The following CTDSPL2 variants were observed in gnomAD, a reference collection of about 807,000 sequenced individuals.
CTDSPL2 encodes CTD small phosphatase like 2.
A neutral mutation model predicts 60.0 loss-of-function variants in CTDSPL2; 5 were observed. The ratio of observed to expected loss-of-function variants is 0.08; its 90% CI spans 0.04 to 0.18. The LOEUF (loss-of-function observed/expected upper bound fraction) is 0.18, where lower values mean the gene tolerates loss of function less well. Ranked by LOEUF, CTDSPL2 falls within the 10% of genes least tolerant of loss-of-function variation. The pLI, the probability that CTDSPL2 is intolerant of heterozygous loss-of-function variation, is 1.00. For missense variants in CTDSPL2, 370 were observed against 548.8 expected (o/e 0.67, Z 3.26); for synonymous variants, 186 against 189.3 (o/e 0.98, Z 0.14).
At chr15:44,478,452 C>T (rs1595739925) in intron 2 of CTDSPL2, among the ~76,000 whole-genome samples, 1 of 37,994 alleles carries the variant, frequency 2.6e-5, no homozygotes. Context: ...GACTCTGTCT[C>T]AAAAAAAAAA....
At chr15:44,470,538 C>T (rs1398530801) in intron 2 of CTDSPL2, 2 of 152,058 alleles carry the variant, frequency 1.3e-5, no homozygotes, top group Non-Finnish European at 2.9e-5. Flanking sequence ...ACCTCCACCT[C>T]CTGGATTCGA....
chr15:44,523,725 T>C (rs7170248), intron 12 of CTDSPL2, among the ~76,000 whole-genome samples: 15,134 of 152,150 alleles, frequency 0.099, 1,546 homozygotes, highest in African/African-American at 0.24. Context: ...TGGTGAAACC[T>C]TGCCTCTACA....
chr15:44,455,732 T>A (rs1595713821), intron 1 of CTDSPL2, among the ~76,000 whole-genome samples: 2 of 152,312 alleles, frequency 1.3e-5, no homozygotes, highest in South Asian at 4.1e-4. Flanking sequence ...TTTATTGATT[T>A]GCGTATGTTG....
At position 44,526,569 on chromosome 15, in the gene CTDSPL2, T is replaced by A. The variant is rs543560447; in HGVS notation, c.*2395T>A. 2 of 152,286 alleles carry A rather than the reference T, an allele frequency of 1.3e-5. No homozygotes were observed. Among genetic ancestry groups the A allele is most frequent in the East Asian group, 3.9e-4 (2 of 5,192 alleles). 9.4% of individuals were successfully genotyped at this position (152,286 alleles called of 1,614,324 possible). The stretch of plus-strand genomic sequence containing the variant: ...TTGAGAAAATTCCTTGAGGCCAAAT[T>A]AATATATTTTTCTTTGTTATTTTAT... On this transcript the variant is annotated 3_prime_UTR_variant, in exon 13 of 13. Transcript: ENST00000260327.
At chr15:44,458,778 GTTGGGAAGGTTAC>G (rs2080500941) in intron 1 of CTDSPL2, among the ~76,000 whole-genome samples, 200 bp from the exon 2 acceptor site, 1 of 152,140 alleles carries the variant, frequency 6.6e-6, no homozygotes, top group African/African-American at 2.4e-5. Context: ...TTCAGAGGTT[GTTGGGAAGGTTAC>G]TTGGGATAAT....
At chr15:44,446,486 C>T (rs1044644809) in intron 1 of CTDSPL2, among the ~76,000 whole-genome samples, 1 of 151,504 alleles carries the variant, frequency 6.6e-6, no homozygotes, top group African/African-American at 2.4e-5. Context: ...AACAAGTAGC[C>T]GGGTGTGGTG....
Position 44,527,169 on chromosome 15 carries a change from G to A in CTDSPL2, c.*2995G>A, listed in dbSNP as rs1292306704. On this transcript the variant is annotated 3_prime_UTR_variant, in exon 13 of 13. Coordinates refer to ENST00000260327, the MANE Select transcript of CTDSPL2 (RefSeq NM_016396.3). ...TTTATCTGTTTCCCAAAATTTGTTT[G>A]GGATTTGTTGAAAGCATTGTGTAAC... The A allele has an allele frequency of 6.6e-6, 1 of 152,394 alleles. No homozygotes were observed. The highest frequency in any genetic ancestry group is 1.5e-5 in the Non-Finnish European group (1 of 67,970). 9.4% of individuals were successfully genotyped at this position (152,394 alleles called of 1,614,324 possible). A position where few individuals can be genotyped will look rare whatever the true frequency, so the allele number is the denominator to read the frequency against.
At chr15:44,429,201 A>G (rs561689111) in intron 1 of CTDSPL2, among the ~76,000 whole-genome samples, 1 of 152,348 alleles carries the variant, frequency 6.6e-6, no homozygotes, top group Non-Finnish European at 1.5e-5. Context: ...CCAAGGTCAT[A>G]AAGAAAGTCA....
chr15:44,449,344 T>C (rs539469044), intron 1 of CTDSPL2: 2 of 160,484 alleles, frequency 1.2e-5, no homozygotes, highest in African/African-American at 2.4e-5. Flanking sequence ...CCCCTGACTT[T>C]CCTTCAGTGC....
intron 1 of CTDSPL2, among the ~76,000 whole-genome samples, chr15:44,437,587 T>C (rs908217956): frequency 6.6e-6 from 1 of 152,180 alleles, no homozygotes; most frequent in Non-Finnish European, 1.5e-5. Context: ...TTGTTTATGT[T>C]TCAGTGATAC....
chr15:44,463,241 A>C (rs1345722100), intron 2 of CTDSPL2, among the ~76,000 whole-genome samples: 1 of 152,134 alleles, frequency 6.6e-6, no homozygotes, highest in African/African-American at 2.4e-5. Flanking sequence ...TCTTGGGTTC[A>C]AGTGATTCTC....
At chr15:44,447,473 C>T (rs572002271) in intron 1 of CTDSPL2, 1 of 152,328 alleles carries the variant, frequency 6.6e-6, no homozygotes, top group Admixed American at 6.5e-5. Context: ...CAGATTTCAT[C>T]AAAAAGCAAC....
At chr15:44,513,728 A>G (rs1051315488) in intron 8 of CTDSPL2, among the ~76,000 whole-genome samples, 6 of 152,192 alleles carry the variant, frequency 3.9e-5, no homozygotes, top group Admixed American at 3.9e-4. Context: ...AATAGTAGTC[A>G]CCTTTGAATG....
intron 2 of CTDSPL2, among the ~76,000 whole-genome samples, chr15:44,467,908 A>T (rs1337098825): frequency 2.0e-5 from 3 of 151,606 alleles, no homozygotes; most frequent in South Asian, 2.1e-4. Flanking sequence ...TAGTACATAA[A>T]TTTTTTTTTG....
chr15:44,472,567 C>T (rs1463158466), intron 2 of CTDSPL2, among the ~76,000 whole-genome samples: 2 of 146,460 alleles, frequency 1.4e-5, no homozygotes, highest in Non-Finnish European at 3.0e-5. Context: ...GGCATGATCT[C>T]GGTTCATTGC....
chr15:44,428,183 A>C (rs985199662), intron 1 of CTDSPL2: 1 of 152,446 alleles, frequency 6.6e-6, no homozygotes, highest in Non-Finnish European at 1.5e-5. Context: ...GGGTGCTTTT[A>C]GGGGGGCGTT....
At chr15:44,475,386 C>T (rs996460408) in intron 2 of CTDSPL2, among the ~76,000 whole-genome samples, 6 of 152,154 alleles carry the variant, frequency 3.9e-5, no homozygotes, top group Admixed American at 3.3e-4. Flanking sequence ...CGCCTATAAT[C>T]CCAGCACTCT....
intron 2 of CTDSPL2, among the ~76,000 whole-genome samples, chr15:44,470,725 G>A (rs1343391069): frequency 6.6e-6 from 1 of 152,130 alleles, no homozygotes; most frequent in Non-Finnish European, 1.5e-5. Flanking sequence ...TGGGATTACA[G>A]GTGTGAGCCA....
intron 2 of CTDSPL2, among the ~76,000 whole-genome samples, chr15:44,467,199 T>A (rs985520704): frequency 6.6e-6 from 1 of 152,246 alleles, no homozygotes; most frequent in African/African-American, 2.4e-5. Flanking sequence ...TTCTAAATAC[T>A]GTTCTCCACT....
Sources: gnomAD v4.1 joint callset for allele counts (sites outside exome capture counted in the v4.1 genomes callset) on GRCh38, gnomAD v4.1.1 for gene constraint, MANE v1.5 for transcripts, NCBI Gene and HGNC (gene_info 2026-07-23, HGNC 2026-07-21) for gene names.